SGCD: variants seen among roughly 807,000 people sequenced by gnomAD.
SGCD encodes the protein sarcoglycan delta, also known as delta-sarcoglycan.
A neutral mutation model predicts 36.6 loss-of-function variants in SGCD; 18 were observed. The observed-to-expected ratio is 0.49, with a 90% CI of 0.34 to 0.73. The LOEUF (loss-of-function observed/expected upper bound fraction) is 0.73, where lower values mean the gene tolerates loss of function less well. Ranked by LOEUF, SGCD falls within the 30% of genes least tolerant of loss-of-function variation. SGCD has a pLI of 0.01. For missense variants in SGCD, 387 were observed against 346.7 expected, an observed-to-expected ratio of 1.12 and a Z score of -0.92; for synonymous variants, 133 against 130.6, an observed-to-expected ratio of 1.02 and a Z score of -0.12.
intron 6 of SGCD, among the ~76,000 whole-genome samples, chr5:156,596,226 A>G (rs139467424): frequency 6.7e-4 from 102 of 152,258 alleles, no homozygotes; most frequent in Middle Eastern, 6.8e-3. Context: ...TGCTAATTCT[A>G]CTTTTCCTTC....
chr5:156,253,078 T>C (rs1248115732), intron 3 of SGCD, among the ~76,000 whole-genome samples: 3 of 152,152 alleles, frequency 2.0e-5, no homozygotes, highest in African/African-American at 7.2e-5. Flanking sequence ...TAAAAATGTG[T>C]GTGTTGGGAG....
chr5:155,848,386 G>T, the SGCD span, among the ~76,000 whole-genome samples: 30,576 of 151,988 alleles, frequency 0.2, 5,309 homozygotes, highest in African/African-American at 0.47. Flanking sequence ...ACATCTCAGG[G>T]TCTGAAAAGA....
At chr5:155,993,994 C>T (rs6866134) in intron 1 of SGCD, among the ~76,000 whole-genome samples, 49,326 of 152,008 alleles carry the variant, frequency 0.32, 8,264 homozygotes, top group African/African-American at 0.41. Flanking sequence ...AAAAAGAGCA[C>T]GTGGAATGAG....
chr5:156,553,456 T>C (rs940656826), intron 4 of SGCD, among the ~76,000 whole-genome samples: 4 of 152,236 alleles, frequency 2.6e-5, no homozygotes, highest in Non-Finnish European at 5.9e-5. Flanking sequence ...TTTTTTTTAA[T>C]TGAGCTATAA....
At chr5:156,270,775 T>A (rs1437691012) in intron 3 of SGCD, among the ~76,000 whole-genome samples, 2 of 151,852 alleles carry the variant, frequency 1.3e-5, no homozygotes, top group African/African-American at 2.4e-5. Flanking sequence ...GCATTGACAG[T>A]GTCTGCTGGA....
intron 3 of SGCD, among the ~76,000 whole-genome samples, chr5:156,298,991 G>A (rs1310388788): frequency 6.6e-6 from 1 of 152,030 alleles, no homozygotes; most frequent in Admixed American, 6.6e-5. Context: ...TGCATGTGGG[G>A]TATTACTTAA....
intron 1 of SGCD, among the ~76,000 whole-genome samples, chr5:156,011,629 AG>A (rs1758863369): frequency 1.3e-5 from 2 of 152,144 alleles, no homozygotes; most frequent in Admixed American, 6.5e-5. Flanking sequence ...TAGTAAAGAC[AG>A]GGTTTCACCA....
chr5:156,287,143 T>C (rs1766627944), intron 3 of SGCD, among the ~76,000 whole-genome samples: 2 of 152,154 alleles, frequency 1.3e-5, no homozygotes. Context: ...AACTTATACC[T>C]AGTACATGGG....
chr5:155,953,897 T>C (rs1431728691), intron 1 of SGCD, among the ~76,000 whole-genome samples: 1 of 152,212 alleles, frequency 6.6e-6, no homozygotes, highest in Non-Finnish European at 1.5e-5. Flanking sequence ...CTCTGCTCAT[T>C]ATTTTTACCT....
At chr5:155,779,099 A>G in the SGCD span, among the ~76,000 whole-genome samples, 1 of 152,144 alleles carries the variant, frequency 6.6e-6, no homozygotes. Flanking sequence ...CTGCATATAT[A>G]TTTTATTCAT....
intron 1 of SGCD, among the ~76,000 whole-genome samples, chr5:156,091,128 C>A (rs1246767282): frequency 6.6e-6 from 1 of 152,142 alleles, no homozygotes; most frequent in Non-Finnish European, 1.5e-5. Flanking sequence ...TAAAGACAGG[C>A]ACAGGAAATT....
intron 1 of SGCD, among the ~76,000 whole-genome samples, chr5:156,116,123 G>GT (rs1299827049): frequency 6.6e-6 from 1 of 151,932 alleles, no homozygotes; most frequent in African/African-American, 2.4e-5. Flanking sequence ...ATCAGTATTT[G>GT]ATTATAGACC....
intron 1 of SGCD, among the ~76,000 whole-genome samples, chr5:155,988,111 AT>A (rs969388971): frequency 3.9e-5 from 6 of 152,136 alleles, no homozygotes; most frequent in Non-Finnish European, 2.9e-5. Flanking sequence ...TTAAACCCAG[AT>A]TTTTTGACTC....
intron 3 of SGCD, among the ~76,000 whole-genome samples, chr5:156,412,261 T>C (rs2127770384): frequency 6.6e-6 from 1 of 152,360 alleles, no homozygotes; most frequent in Admixed American, 6.5e-5. Context: ...TTCAGGCTGG[T>C]TAGCGTGAGC....
At chr5:155,976,166 T>G (rs1161877726) in intron 1 of SGCD, among the ~76,000 whole-genome samples, 1 of 152,160 alleles carries the variant, frequency 6.6e-6, no homozygotes, top group African/African-American at 2.4e-5. Flanking sequence ...AATGGTTACT[T>G]CTGAGAAAGA....
chr5:156,130,200 G>T (rs1353208521), intron 3 of SGCD, among the ~76,000 whole-genome samples: 3 of 152,136 alleles, frequency 2.0e-5, no homozygotes, highest in African/African-American at 7.2e-5. Context: ...GTGTGAGATG[G>T]TATCTTGTAA....
chr5:156,559,435 C>CA (rs1357397741), intron 4 of SGCD, among the ~76,000 whole-genome samples: 1 of 152,040 alleles, frequency 6.6e-6, no homozygotes, highest in African/African-American at 2.4e-5. Context: ...AACATCAAAA[C>CA]AAAAAACGTA....
At chr5:156,044,189 A>G (rs561171042) in intron 1 of SGCD, among the ~76,000 whole-genome samples, 1 of 152,292 alleles carries the variant, frequency 6.6e-6, no homozygotes, top group Non-Finnish European at 1.5e-5. Context: ...ATAGTTGGTG[A>G]GGAAGAAAGA....
At chr5:156,733,686 TA>T (rs1162070270) in intron 7 of SGCD, among the ~76,000 whole-genome samples, 2 of 152,166 alleles carry the variant, frequency 1.3e-5, no homozygotes, top group Non-Finnish European at 2.9e-5. Context: ...GGTGCATATT[TA>T]TTTAGGAGAG....
Sources: allele counts gnomAD v4.1 joint callset (sites outside exome capture counted in the v4.1 genomes callset), GRCh38; gene constraint gnomAD v4.1.1; transcripts MANE v1.5; gene names NCBI Gene and HGNC (gene_info 2026-07-23, HGNC 2026-07-21).